The following ARHGAP15 variants were observed in gnomAD, a reference collection of about 807,000 sequenced individuals.
The protein encoded by ARHGAP15 is Rho GTPase activating protein 15.
A neutral mutation model predicts 63.7 loss-of-function variants in ARHGAP15; 51 were observed. The observed-to-expected ratio is 0.80, with a 90% CI of 0.64 to 1.01. The LOEUF is 1.01. Ranked by LOEUF, ARHGAP15 falls within the 50% of genes least tolerant of loss-of-function variation. The pLI, the probability that ARHGAP15 is intolerant of heterozygous loss-of-function variation, is 0.00. For synonymous variants in ARHGAP15, 191 were observed against 193.8 expected, an observed-to-expected ratio of 0.99 and a Z score of 0.12; for missense variants, 560 against 564.6, an observed-to-expected ratio of 0.99 and a Z score of 0.08.
intron 6 of ARHGAP15, among the ~76,000 whole-genome samples, chr2:143,399,181 A>C (rs1329483217): frequency 6.6e-6 from 1 of 152,100 alleles, no homozygotes; most frequent in Non-Finnish European, 1.5e-5. Flanking sequence ...TACTGCCCAG[A>C]TAACATTTCA....
At chr2:143,757,503 T>C (rs1686621382) in intron 13 of ARHGAP15, among the ~76,000 whole-genome samples, 1 of 151,872 alleles carries the variant, frequency 6.6e-6, no homozygotes. Flanking sequence ...AGAGTGAGAC[T>C]CTGTCTCAAA....
At chr2:143,379,683 C>T (rs774959690) in intron 6 of ARHGAP15, among the ~76,000 whole-genome samples, 2 of 151,102 alleles carry the variant, frequency 1.3e-5, no homozygotes, top group African/African-American at 2.4e-5. Flanking sequence ...AAGTGAACAA[C>T]CAAAAGTTGT....
chr2:143,727,172 G>A (rs1303300951), intron 13 of ARHGAP15, among the ~76,000 whole-genome samples: 1 of 152,218 alleles, frequency 6.6e-6, no homozygotes, highest in African/African-American at 2.4e-5. Flanking sequence ...GGTAGAGGTA[G>A]CATCAACTGC....
chr2:143,471,099 A>ATG (rs1491297054), intron 8 of ARHGAP15, among the ~76,000 whole-genome samples: 2 of 149,338 alleles, frequency 1.3e-5, no homozygotes, highest in Non-Finnish European at 1.5e-5. Context: ...TATGATACAC[A>ATG]TGTGTATATA....
chr2:143,705,190 G>A (rs1325440711), intron 13 of ARHGAP15, among the ~76,000 whole-genome samples: 1 of 152,082 alleles, frequency 6.6e-6, no homozygotes, highest in Non-Finnish European at 1.5e-5. Context: ...TTGCGTTAGG[G>A]AACATGTTTT....
chr2:143,484,591 T>A (rs893163935), intron 8 of ARHGAP15, among the ~76,000 whole-genome samples: 164 of 152,238 alleles, frequency 1.1e-3, no homozygotes, highest in African/African-American at 3.9e-3. Flanking sequence ...ATATACATGT[T>A]ATCCACAACA....
At chr2:143,129,663 T>C (rs528424473) in intron 1 of ARHGAP15, among the ~76,000 whole-genome samples, 197 bp downstream of exon 1, 1 of 152,334 alleles carries the variant, frequency 6.6e-6, no homozygotes, top group East Asian at 1.9e-4. Flanking sequence ...CCAATGTCTT[T>C]TACTAAAATG....
At chr2:143,477,219 CA>C (rs1261602441) in intron 8 of ARHGAP15, among the ~76,000 whole-genome samples, 5 of 151,934 alleles carry the variant, frequency 3.3e-5, no homozygotes, top group African/African-American at 1.2e-4. Context: ...CGCGCACACA[CA>C]CACACATATA....
At chr2:143,417,643 G>A (rs1688745056) in intron 6 of ARHGAP15, among the ~76,000 whole-genome samples, 1 of 152,162 alleles carries the variant, frequency 6.6e-6, no homozygotes, top group African/African-American at 2.4e-5. Context: ...GCTTGTGAAT[G>A]ACGGGCACAG....
At chr2:143,489,419 T>G (rs1264546269) in intron 9 of ARHGAP15, among the ~76,000 whole-genome samples, 4 of 152,228 alleles carry the variant, frequency 2.6e-5, no homozygotes, top group Non-Finnish European at 5.9e-5. Flanking sequence ...TTGATAAGCT[T>G]CCATTGTTGT....
At chr2:143,523,070 A>C (rs1312538098) in intron 10 of ARHGAP15, among the ~76,000 whole-genome samples, 1 of 152,198 alleles carries the variant, frequency 6.6e-6, no homozygotes, top group Non-Finnish European at 1.5e-5. Context: ...GTTGAGGTCC[A>C]TTATTTGGAA....
chr2:143,551,485 T>C (rs118084016), intron 10 of ARHGAP15, among the ~76,000 whole-genome samples: 1 of 152,314 alleles, frequency 6.6e-6, no homozygotes, highest in East Asian at 1.9e-4. Flanking sequence ...TAACTGTCTT[T>C]GGAAAGCATG....
At chr2:143,497,125 A>G (rs1175940823) in intron 9 of ARHGAP15, among the ~76,000 whole-genome samples, 4 of 152,198 alleles carry the variant, frequency 2.6e-5, no homozygotes, top group Admixed American at 6.5e-5. Context: ...TTATGACTCT[A>G]TGCCATGTTT....
chr2:143,311,715 AACT>A (rs1442684060), intron 6 of ARHGAP15, among the ~76,000 whole-genome samples: 1 of 152,136 alleles, frequency 6.6e-6, no homozygotes, highest in Non-Finnish European at 1.5e-5. Flanking sequence ...AACTCAAGTT[AACT>A]GTACTCTTAG....
chr2:143,352,850 C>T (rs547686580), intron 6 of ARHGAP15, among the ~76,000 whole-genome samples: 6 of 152,194 alleles, frequency 3.9e-5, no homozygotes, highest in East Asian at 1.9e-4. Flanking sequence ...ACATCCTTTG[C>T]GAATTGAATA....
intron 11 of ARHGAP15, among the ~76,000 whole-genome samples, chr2:143,617,756 C>T (rs1698503656): frequency 6.6e-6 from 1 of 152,076 alleles, no homozygotes; most frequent in Non-Finnish European, 1.5e-5. Flanking sequence ...TGGCTTGCCC[C>T]CAAGGACAAA....
At chr2:143,520,391 C>T (rs1275824299) in intron 10 of ARHGAP15, among the ~76,000 whole-genome samples, 1 of 152,074 alleles carries the variant, frequency 6.6e-6, no homozygotes, top group African/African-American at 2.4e-5. Context: ...TAAGGACAGC[C>T]TTGGGATCCT....
At chr2:143,621,701 T>C (rs1449498039) in intron 11 of ARHGAP15, among the ~76,000 whole-genome samples, 1 of 152,212 alleles carries the variant, frequency 6.6e-6, no homozygotes, top group African/African-American at 2.4e-5. Context: ...TAATATTATA[T>C]GGTATTTTAA....
chr2:143,667,354 G>T (rs1358002953), intron 12 of ARHGAP15, among the ~76,000 whole-genome samples: 1 of 142,416 alleles, frequency 7.0e-6, no homozygotes, highest in African/African-American at 2.6e-5. Context: ...CTCACTCATA[G>T]GTGGGAATTG....
Sources: allele counts gnomAD v4.1 joint callset (sites outside exome capture counted in the v4.1 genomes callset), GRCh38; gene constraint gnomAD v4.1.1; transcripts MANE v1.5; gene names NCBI Gene and HGNC (gene_info 2026-07-23, HGNC 2026-07-21).